METTL21A: variants seen among roughly 807,000 people sequenced by gnomAD.
The protein encoded by METTL21A is methyltransferase 21A, HSPA lysine.
METTL21A carries 22 observed loss-of-function variants against 20.9 expected under a neutral mutation model. The ratio of observed to expected loss-of-function variants is 1.05; its 90% CI spans 0.75 to 1.50. The LOEUF (loss-of-function observed/expected upper bound fraction) is 1.50. METTL21A is among the 40% of genes most tolerant of loss of function. The pLI, the probability that METTL21A is intolerant of heterozygous loss-of-function variation, is 0.00. For missense variants in METTL21A, 271 were observed against 266.8 expected (o/e 1.02, Z -0.11); for synonymous variants, 93 against 102.0 (o/e 0.91, Z 0.53).
chr2:207,589,688 A>C (rs1253796209), intron 3 of METTL21A, among the ~76,000 whole-genome samples: 1 of 152,126 alleles, frequency 6.6e-6, no homozygotes, highest in East Asian at 1.9e-4. Context: ...ATCTTGTCAA[A>C]TGCTTTTCCA....
chr2:207,619,012 A>T (rs1489866424), intron 3 of METTL21A, among the ~76,000 whole-genome samples: 1 of 152,114 alleles, frequency 6.6e-6, no homozygotes, highest in African/African-American at 2.4e-5. Context: ...CACCACTGGA[A>T]GGGCGCTATA....
At chr2:207,613,435 C>T in exon 4 of METTL21A, 1 of 1,587,662 alleles carries the variant, frequency 6.3e-7, no homozygotes, top group South Asian at 1.2e-5. Flanking sequence ...GTGATAGTCA[C>T]ATGAGCACCT....
intron 2 of METTL21A, among the ~76,000 whole-genome samples, chr2:207,623,913 C>T (rs59093890): frequency 0.016 from 2,397 of 152,232 alleles, 63 homozygotes; most frequent in African/African-American, 0.055. Context: ...CTATCCTCTC[C>T]GACAAGTCAT....
At chr2:207,624,130 G>T in intron 2 of METTL21A, 99 bp downstream of exon 2, 1 of 1,380,628 alleles carries the variant, frequency 7.2e-7, no homozygotes, top group Non-Finnish European at 9.8e-7. Flanking sequence ...TGTATGCTAT[G>T]TGAATTATAT....
downstream of METTL21A, among the ~76,000 whole-genome samples, chr2:207,606,089 C>A (rs1339267528): frequency 6.6e-6 from 1 of 152,152 alleles, no homozygotes; most frequent in East Asian, 1.9e-4. Flanking sequence ...TTTCAATATG[C>A]CATCTTTTCT....
chr2:207,603,627 A>T (rs557221467), intron 3 of METTL21A, among the ~76,000 whole-genome samples: 1 of 152,224 alleles, frequency 6.6e-6, no homozygotes, highest in Non-Finnish European at 1.5e-5. Context: ...CTGTTTTTCA[A>T]TAAGATTGAA....
At chr2:207,588,862 TTTAC>T (rs1440431314) in intron 3 of METTL21A, among the ~76,000 whole-genome samples, 1 of 143,140 alleles carries the variant, frequency 7.0e-6, no homozygotes, top group Non-Finnish European at 1.5e-5. Flanking sequence ...CCATTCTAAA[TTTAC>T]TTATTAGTTC....
rs1375076958 is a variant in METTL21A at position 207,597,123 on chromosome 2, C to T, written c.260-14963G>A. Reference sequence around the variant, plus strand: ...ACTGGCTTGGCCACAACCTGAAAGACAAAATAAACATTTTATTTTCTAAAC... The same window carrying T: ...ACTGGCTTGGCCACAACCTGAAAGATAAAATAAACATTTTATTTTCTAAAC... On this transcript the variant is annotated intron_variant, in intron 3 of 3. Coordinates refer to the METTL21A transcript ENST00000425132. 2.1e-6 allele frequency: 3 copies of T among 1,462,772 alleles called. No homozygotes were observed. The African/African-American group carries it at 4.4e-5, about 22-fold the overall frequency. 90.6% of individuals were successfully genotyped at this position (1,462,772 alleles called of 1,614,324 possible). A position where few individuals can be genotyped will look rare whatever the true frequency, so the allele number is the denominator to read the frequency against.
chr2:207,620,304 G>A (rs1385505606), intron 3 of METTL21A, among the ~76,000 whole-genome samples: 6 of 152,092 alleles, frequency 3.9e-5, no homozygotes, highest in African/African-American at 9.7e-5. Flanking sequence ...TTAGCTGGGC[G>A]TGGTGGCACA....
intron 3 of METTL21A, among the ~76,000 whole-genome samples, chr2:207,596,734 G>A (rs2086249811): frequency 6.6e-6 from 1 of 151,944 alleles, no homozygotes; most frequent in Non-Finnish European, 1.5e-5. Flanking sequence ...CGCCTGGCCA[G>A]ATTAAAATTT....
chr2:207,624,187 G>A, intron 2 of METTL21A, 42 bp downstream of exon 2: 5 of 1,539,876 alleles, frequency 3.2e-6, no homozygotes, highest in Non-Finnish European at 4.4e-6. Context: ...AGCCAGTCTT[G>A]CAAGTGTGAA....
exon 2 of METTL21A, chr2:207,624,285 T>C (rs1214744778): frequency 2.5e-6 from 4 of 1,613,782 alleles, no homozygotes; most frequent in Non-Finnish European, 3.4e-6. Context: ...CGGATCTGGA[T>C]CGTGTGGTTT....
At chr2:207,608,211 A>G (rs1457263342), downstream of METTL21A, among the ~76,000 whole-genome samples, 1 of 152,088 alleles carries the variant, frequency 6.6e-6, no homozygotes, top group African/African-American at 2.4e-5. Context: ...ACTACATCCC[A>G]GCCCAATTTC....
chr2:207,583,982 A>C (rs949741376), intron 3 of METTL21A, among the ~76,000 whole-genome samples: 4 of 152,142 alleles, frequency 2.6e-5, no homozygotes, highest in African/African-American at 9.7e-5. Flanking sequence ...TGCATTTAAG[A>C]TTTATTGATT....
At chr2:207,603,926 A>G (rs535618835) in intron 3 of METTL21A, among the ~76,000 whole-genome samples, 1 of 152,306 alleles carries the variant, frequency 6.6e-6, no homozygotes, top group East Asian at 1.9e-4. Flanking sequence ...AAGCAGCTGC[A>G]TTATTTGTAT....
At chr2:207,585,790 A>C (rs1448200613) in intron 3 of METTL21A, among the ~76,000 whole-genome samples, 1 of 152,216 alleles carries the variant, frequency 6.6e-6, no homozygotes, top group East Asian at 1.9e-4. Flanking sequence ...GAGCAGAAAG[A>C]ATTTCTGAAC....
chr2:207,613,362 A>C lies in METTL21A; in HGVS notation c.341T>G (p.Ile114Ser), dbSNP rs146523436. 10 of 1,613,090 alleles carry C rather than the reference A, an allele frequency of 6.2e-6. No individual in the cohort carries two copies. The South Asian group carries it at 8.8e-5, about 14-fold the overall frequency. ...CTCCTTAACAACAGTTTTAGTTTGG[A>C]TATGAGGAGGTAAGTTGGCTTGAAC... The change falls in exon 4 of 4, where the codon ATC (isoleucine) becomes AGC (serine). Residue 114 changes from isoleucine to serine, a missense_variant. Ile to Ser is a moderately radical substitution (Grantham distance 142, BLOSUM62 -2). Transcript: ENST00000406927.
At chr2:207,602,720 C>A (rs2087296401) in intron 3 of METTL21A, 1 of 210,748 alleles carries the variant, frequency 4.7e-6, no homozygotes, top group African/African-American at 2.3e-5. Flanking sequence ...ATCCAAGTGC[C>A]ACTCCAATTT....
At chr2:207,604,639 A>G (rs1001862503), downstream of METTL21A, among the ~76,000 whole-genome samples, 1 of 152,180 alleles carries the variant, frequency 6.6e-6, no homozygotes, top group African/African-American at 2.4e-5. Flanking sequence ...TAAGTGAACA[A>G]TTAAGTGGTA....
Sources: gnomAD v4.1 joint callset for allele counts (sites outside exome capture counted in the v4.1 genomes callset) on GRCh38, gnomAD v4.1.1 for gene constraint, MANE v1.5 for transcripts, NCBI Gene and HGNC (gene_info 2026-07-23, HGNC 2026-07-21) for gene names.